ZNF226: variants seen among roughly 807,000 people sequenced by gnomAD.
ZNF226 encodes the protein zinc finger protein 226, also known as Kruppel-associated box protein.
ZNF226 carries 6 observed loss-of-function variants against 11.4 expected under a neutral mutation model. The ratio of observed to expected loss-of-function variants is 0.53; its 90% confidence interval spans 0.29 to 1.04. The LOEUF (loss-of-function observed/expected upper bound fraction) is 1.04, where lower values mean the gene tolerates loss of function less well. Among genes scored for constraint, ZNF226 ranks in the 50% least tolerant of loss-of-function variants. ZNF226 has a pLI of 0.08. For missense variants in ZNF226, 1,058 were observed against 956.5 expected (o/e 1.11, Z -1.40); for synonymous variants, 350 against 322.8 (o/e 1.08, Z -0.90).
intron 3 of ZNF226, among the ~76,000 whole-genome samples, chr19:44,171,640 G>C (rs190800560): frequency 3.3e-5 from 5 of 152,344 alleles, no homozygotes. Flanking sequence ...TCCGGGATCA[G>C]TGTATTATAT....
chr19:44,185,905 G>A, the ZNF226 span, among the ~76,000 whole-genome samples: 2 of 151,974 alleles, frequency 1.3e-5, no homozygotes, highest in African/African-American at 2.4e-5. Flanking sequence ...TTACATTTAG[G>A]CCTTTAATCC....
Position 44,176,305 on chromosome 19 carries a change from CAGCACTT to C in ZNF226, c.1045_1051del (p.Ala349MetfsTer136). ...TGTGGGAAAGGTTTCAGTCGTAGAT[CAGCACTT>C]AATGTTCATTGCAAGGTCCACACGG... On this transcript the variant is annotated frameshift_variant, in exon 6 of 6. Coordinates refer to ENST00000337433, the MANE Select transcript of ZNF226 (RefSeq NM_001032373.2). LOFTEE classifies it low-confidence loss of function (END_TRUNC). The C allele has an allele frequency of 6.2e-7, 1 of 1,614,178 alleles. No homozygotes were observed. Among genetic ancestry groups the C allele is most frequent in the East Asian group, 2.2e-5 (1 of 44,882 alleles).
chr19:44,187,286 A>G, the ZNF226 span, among the ~76,000 whole-genome samples: 374 of 152,052 alleles, frequency 2.5e-3, 3 homozygotes, highest in Middle Eastern at 0.01. The surrounding 1 kb of genome is among the most constrained non-coding windows in gnomAD (Gnocchi z 4.0). Flanking sequence ...ACTACGTCCA[A>G]TGCCTCACTA....
At chr19:44,185,753 T>C in the ZNF226 span, among the ~76,000 whole-genome samples, 1 of 152,178 alleles carries the variant, frequency 6.6e-6, no homozygotes, top group South Asian at 2.1e-4. Flanking sequence ...ACAGAAGTTT[T>C]TGAGTTTGAT....
chr19:44,190,329 A>G, the ZNF226 span, among the ~76,000 whole-genome samples: 1 of 151,834 alleles, frequency 6.6e-6, no homozygotes, highest in South Asian at 2.1e-4. Context: ...AGAATCTCAG[A>G]TTTTATTTTA....
At chr19:44,184,837 T>C in the ZNF226 span, among the ~76,000 whole-genome samples, 1 of 152,214 alleles carries the variant, frequency 6.6e-6, no homozygotes, top group South Asian at 2.1e-4. Context: ...AATTCATTAG[T>C]GTAAATTGTA....
chr19:44,177,914 A>C, downstream of ZNF226: 3 of 407,674 alleles, frequency 7.4e-6, no homozygotes, highest in Non-Finnish European at 1.3e-5. Flanking sequence ...GGACATGCCA[A>C]AATTAAGTGT....
chr19:44,183,149 C>CCT (rs1465512280), downstream of ZNF226, among the ~76,000 whole-genome samples: 1 of 152,112 alleles, frequency 6.6e-6, no homozygotes, highest in Non-Finnish European at 1.5e-5. Context: ...TTGGAAACAG[C>CCT]CTGAATATGG....
downstream of ZNF226, chr19:44,178,043 A>G (rs761194793): frequency 4.2e-5 from 7 of 167,170 alleles, no homozygotes; most frequent in Non-Finnish European, 9.2e-5. Context: ...CTTTTTGAAA[A>G]TTATGTTGAG....
downstream of ZNF226, among the ~76,000 whole-genome samples, chr19:44,183,305 G>C (rs564152561): frequency 6.6e-6 from 1 of 152,278 alleles, no homozygotes; most frequent in East Asian, 1.9e-4. Context: ...GTGGTGGTCT[G>C]AATGGAGCCC....
intron 1 of ZNF226, chr19:44,165,509 T>G (rs1477159966): frequency 2.0e-5 from 3 of 152,170 alleles, no homozygotes; most frequent in Non-Finnish European, 4.4e-5. Context: ...AATAGAATGT[T>G]TTGAGAGAAA....
Position 44,175,872 on chromosome 19 carries a change from G to A in ZNF226, c.610G>A (p.Asp204Asn). The A allele has an allele frequency of 6.2e-7, 1 of 1,613,350 alleles. No homozygotes were observed. Among genetic ancestry groups the A allele is most frequent in the Non-Finnish European group, 8.5e-7 (1 of 1,179,682 alleles). The change falls in exon 6 of 6, where the codon GAT (aspartate) becomes AAT (asparagine). Residue 204 changes from aspartate (D) to asparagine (N), a missense_variant. Transcript: ENST00000337433. ...NKLCQCKKGVDPIGWISHHDG... is the reference protein window; with the variant it reads ...NKLCQCKKGVNPIGWISHHDG... ...ATTATGTCAATGTAAGAAGGGTGTT[G>A]ATCCCATCGGTTGGATTTCACATCA... is the stretch of plus-strand genomic sequence containing the variant.
downstream of ZNF226, chr19:44,177,692 T>G: frequency 6.5e-7 from 1 of 1,549,278 alleles, no homozygotes; most frequent in South Asian, 1.3e-5. Context: ...TGAAGACTCG[T>G]GTCATTTGAA....
chr19:44,192,750 G>T, the ZNF226 span, among the ~76,000 whole-genome samples: 3 of 152,166 alleles, frequency 2.0e-5, no homozygotes, highest in Non-Finnish European at 2.9e-5. Context: ...GGAAAAAGCT[G>T]CAGTTCAGAA....
chr19:44,167,242 A>C (rs946949074), intron 2 of ZNF226, among the ~76,000 whole-genome samples: 12 of 150,394 alleles, frequency 8.0e-5, no homozygotes, highest in Non-Finnish European at 1.5e-4. Flanking sequence ...TTAACGTTAG[A>C]TATTATTGCC....
chr19:44,174,826 G>C, intron 5 of ZNF226: 1 of 592,748 alleles, frequency 1.7e-6, no homozygotes, highest in Non-Finnish European at 2.8e-6. Context: ...GCCTTAGAAG[G>C]ATCCAGTGCA....
At chr19:44,191,146 C>T in the ZNF226 span, among the ~76,000 whole-genome samples, 31 of 152,124 alleles carry the variant, frequency 2.0e-4, no homozygotes, top group African/African-American at 7.5e-4. Flanking sequence ...TTATTTAGTT[C>T]ATTAATCTTG....
At chr19:44,167,376 T>C (rs935957590) in intron 2 of ZNF226, among the ~76,000 whole-genome samples, 27 of 140,692 alleles carry the variant, frequency 1.9e-4, no homozygotes, top group Non-Finnish European at 1.7e-4. Context: ...TGGAGTGCAA[T>C]GGCGTGATCT....
the ZNF226 span, among the ~76,000 whole-genome samples, chr19:44,185,257 A>G: frequency 2.6e-5 from 4 of 152,068 alleles, no homozygotes; most frequent in Non-Finnish European, 5.9e-5. Flanking sequence ...GTTCTTTTGG[A>G]TATATACCCG....
Sources: gnomAD v4.1 joint callset for allele counts (sites outside exome capture counted in the v4.1 genomes callset) on GRCh38, gnomAD v4.1.1 for gene constraint, Gnocchi (gnomAD v3.1) non-coding constraint, MANE v1.5 for transcripts, NCBI Gene and HGNC (gene_info 2026-07-23, HGNC 2026-07-21) for gene names.